Variants in LUZP2 observed in about 807,000 individuals in gnomAD.
The protein encoded by LUZP2 is leucine zipper protein 2.
LUZP2 carries 52 observed loss-of-function variants against 51.6 expected under a neutral mutation model. That is an observed-to-expected ratio of 1.01 (90% CI 0.81 to 1.27). LUZP2 has a LOEUF of 1.27. Ranked by LOEUF, LUZP2 falls within the 50% of genes most tolerant of loss-of-function variation. The pLI is 0.00. For missense variants in LUZP2, 436 were observed against 395.4 expected, an observed-to-expected ratio of 1.10 and a Z score of -0.87; for synonymous variants, 154 against 137.3, an observed-to-expected ratio of 1.12 and a Z score of -0.85.
At chr11:24,827,694 A>G (rs1255392827) in intron 5 of LUZP2, among the ~76,000 whole-genome samples, 1 of 152,152 alleles carries the variant, frequency 6.6e-6, no homozygotes, top group Non-Finnish European at 1.5e-5. Flanking sequence ...CTTGTGGTCT[A>G]TTATCAACTC....
chr11:24,702,802 A>G (rs1857456524), intron 1 of LUZP2, among the ~76,000 whole-genome samples: 2 of 152,188 alleles, frequency 1.3e-5, no homozygotes, highest in Non-Finnish European at 2.9e-5. Context: ...TTCAGATTTA[A>G]AATGTGAAGA....
intron 9 of LUZP2, among the ~76,000 whole-genome samples, chr11:25,031,679 T>C (rs1293457039): frequency 1.3e-5 from 2 of 151,950 alleles, no homozygotes; most frequent in Admixed American, 1.3e-4. Flanking sequence ...GCTTTTAAAT[T>C]TTTTTTTGCC....
intron 9 of LUZP2, among the ~76,000 whole-genome samples, chr11:25,034,997 T>TA (rs1480746750): frequency 1.3e-5 from 2 of 152,034 alleles, no homozygotes; most frequent in Admixed American, 6.6e-5. Flanking sequence ...TCTTTTGTCA[T>TA]AAAAACCCTT....
At chr11:24,594,696 T>A (rs1311374211) in intron 1 of LUZP2, among the ~76,000 whole-genome samples, 1 of 151,858 alleles carries the variant, frequency 6.6e-6, no homozygotes, top group African/African-American at 2.4e-5. Context: ...ATGGAAACAT[T>A]GGCCTTGATA....
At chr11:24,914,745 G>C (rs1216950907) in intron 7 of LUZP2, among the ~76,000 whole-genome samples, 3 of 152,132 alleles carry the variant, frequency 2.0e-5, no homozygotes, top group African/African-American at 7.2e-5. Flanking sequence ...TTAATCAAAA[G>C]CATGCCTCAT....
chr11:24,814,721 G>A (rs1343046045), intron 5 of LUZP2, among the ~76,000 whole-genome samples: 2 of 152,090 alleles, frequency 1.3e-5, no homozygotes, highest in African/African-American at 4.8e-5. Context: ...TGCCGGGAGC[G>A]GTAGCTCAAG....
At chr11:24,646,509 A>G in intron 1 of LUZP2, 1 of 788,436 alleles carries the variant, frequency 1.3e-6, no homozygotes, top group South Asian at 5.8e-5. Context: ...ATTGGAATTT[A>G]CAGCCCTGCT....
intron 5 of LUZP2, among the ~76,000 whole-genome samples, chr11:24,832,664 T>C (rs1402215345): frequency 6.6e-6 from 1 of 151,714 alleles, no homozygotes; most frequent in African/African-American, 2.4e-5. Flanking sequence ...TATATATACA[T>C]ATATATAAAT....
chr11:25,042,247 TAA>T (rs1247093887), intron 9 of LUZP2, among the ~76,000 whole-genome samples: 1,953 of 45,790 alleles, frequency 0.043, 43 homozygotes, highest in African/African-American at 0.12. Context: ...AGAAAAAGAC[TAA>T]TATATTTCAT....
intron 9 of LUZP2, among the ~76,000 whole-genome samples, chr11:25,005,076 A>G (rs766403729): frequency 2.0e-5 from 3 of 152,116 alleles, no homozygotes; most frequent in Non-Finnish European, 4.4e-5. Context: ...GCTTTAAGTC[A>G]GAGAGGGAGA....
At chr11:24,712,256 G>A (rs75077457) in intron 1 of LUZP2, among the ~76,000 whole-genome samples, 2,184 of 151,988 alleles carry the variant, frequency 0.014, 54 homozygotes, top group African/African-American at 0.049. Context: ...CCCCATCTCT[G>A]TAAAAAATTA....
At chr11:24,548,663 T>C (rs1361645871) in intron 1 of LUZP2, among the ~76,000 whole-genome samples, 1 of 151,938 alleles carries the variant, frequency 6.6e-6, no homozygotes, top group Non-Finnish European at 1.5e-5. Flanking sequence ...ACACAATTTA[T>C]TCATGTAACG....
At chr11:24,652,414 C>T (rs542670477) in intron 1 of LUZP2, among the ~76,000 whole-genome samples, 58 of 152,024 alleles carry the variant, frequency 3.8e-4, no homozygotes, top group African/African-American at 1.3e-3. Flanking sequence ...GTAGAGAAGC[C>T]TCAATCTTAG....
At position 24,570,049 on chromosome 11, in the gene LUZP2, C is replaced by T. The variant is rs536794997; in HGVS notation, c.62+72744C>T. Reference sequence around the variant, plus strand: ...CTGATACAACTCTATCAGAAGACTACTACACTTCTTAACAATGAGATGAAC... The same window carrying T: ...CTGATACAACTCTATCAGAAGACTATTACACTTCTTAACAATGAGATGAAC... On this transcript the variant is annotated intron_variant, in intron 1 of 11. Transcript: ENST00000336930. Among the ~76,000 whole-genome samples, 3 of 152,086 alleles carry T rather than the reference C, an allele frequency of 2.0e-5. No individual in the cohort carries two copies. In the South Asian group the frequency reaches 6.2e-4, roughly 32 times the overall value.
chr11:24,732,104 A>G lies in LUZP2; in HGVS notation c.181-14A>G, dbSNP rs767279433. 22 of 1,597,738 alleles carry G rather than the reference A, an allele frequency of 1.4e-5. No homozygotes were observed. In the Admixed American group the frequency reaches 2.9e-4, roughly 21 times the overall value. On this transcript the variant is annotated splice_polypyrimidine_tract_variant and intron_variant, in intron 2 of 11. Coordinates refer to ENST00000336930, the MANE Select transcript of LUZP2 (RefSeq NM_001009909.4). Reference sequence around the variant, plus strand: ...CACCTGAATAAAACTTCATTTTTCCACTTTTCTTATCAGTCCTTAAAAAAC... The same window carrying G: ...CACCTGAATAAAACTTCATTTTTCCGCTTTTCTTATCAGTCCTTAAAAAAC...
At chr11:24,748,602 G>A (rs1446942515) in intron 4 of LUZP2, among the ~76,000 whole-genome samples, 8 of 152,008 alleles carry the variant, frequency 5.3e-5, no homozygotes, top group Admixed American at 5.2e-4. Flanking sequence ...TGGGACTACT[G>A]GCGCGTGCCA....
At chr11:24,517,770 A>G (rs554250314) in intron 1 of LUZP2, among the ~76,000 whole-genome samples, 14 of 152,236 alleles carry the variant, frequency 9.2e-5, no homozygotes, top group African/African-American at 3.1e-4. Context: ...GAAAAATGGC[A>G]TCATTTTGCT....
Position 24,754,954 on chromosome 11 carries a change from C to T in LUZP2, c.334-8292C>T, listed in dbSNP as rs575119950. ...TGAGGTCAGGAGTTCAAGACCAGCC[C>T]GACCAACATGGTGAAACCCCGTCTC... On this transcript the variant is annotated intron_variant, in intron 4 of 11. Transcript: ENST00000336930. 4.1e-4 allele frequency among the ~76,000 whole-genome samples: 62 copies of T among 151,988 alleles called. No individual in the cohort carries two copies. The South Asian group carries it at 0.012, about 29-fold the overall frequency.
intron 9 of LUZP2, among the ~76,000 whole-genome samples, chr11:25,033,428 G>A (rs975731688): frequency 6.6e-6 from 1 of 151,434 alleles, no homozygotes; most frequent in Non-Finnish European, 1.5e-5. Context: ...GATTAAAAAA[G>A]TCAACTTTTA....
Sources: gnomAD v4.1 joint callset for allele counts (sites outside exome capture counted in the v4.1 genomes callset) on GRCh38, gnomAD v4.1.1 for gene constraint, MANE v1.5 for transcripts, NCBI Gene and HGNC (gene_info 2026-07-23, HGNC 2026-07-21) for gene names.